Variants in DHRS3 observed in about 807,000 individuals in gnomAD.
DHRS3 encodes short-chain dehydrogenase/reductase 3.
A neutral mutation model predicts 27.2 loss-of-function variants in DHRS3; 14 were observed. The ratio of observed to expected loss-of-function variants is 0.52; its 90% CI spans 0.34 to 0.81. The LOEUF (loss-of-function observed/expected upper bound fraction) is 0.81. Among genes scored for constraint, DHRS3 ranks in the 30% least tolerant of loss-of-function variants. DHRS3 has a pLI of 0.01. For synonymous variants in DHRS3, 165 were observed against 175.9 expected (o/e 0.94, Z 0.49); for missense variants, 322 against 406.2 (o/e 0.79, Z 1.78).
At chr1:12,584,718 C>T (rs539776934) in intron 1 of DHRS3, among the ~76,000 whole-genome samples, 1 of 152,322 alleles carries the variant, frequency 6.6e-6, no homozygotes, top group South Asian at 2.1e-4. Flanking sequence ...AGCATCAGCA[C>T]CTTCCTGGCC....
At position 12,578,599 on chromosome 1, in the gene DHRS3, A is replaced by G. The variant is rs566107693; in HGVS notation, c.698+119T>C. 9.7e-5 allele frequency: 96 copies of G among 986,720 alleles called. No individual in the cohort carries two copies. In the South Asian group the frequency reaches 1.2e-3, roughly 12 times the overall value. 61.1% of individuals were successfully genotyped at this position (986,720 alleles called of 1,614,324 possible). A position where few individuals can be genotyped will look rare whatever the true frequency, so the allele number is the denominator to read the frequency against. ...TTCCCAAAATGCTAGGATTATAGGT[A>G]TGAGGCACCGTGCCTAGCCCGATTT... On this transcript the variant is annotated intron_variant, in intron 4 of 5. Transcript: ENST00000616661. The surrounding 1 kb of genome is among the most constrained non-coding windows in gnomAD (Gnocchi z 4.5).
In DHRS3 at chr1:12,568,129, G is replaced by C; in HGVS notation, c.*211C>G. 1 of 521,584 alleles carries C rather than the reference G, an allele frequency of 1.9e-6. No individual in the cohort carries two copies. The highest frequency in any genetic ancestry group is 2.2e-5 in the South Asian group (1 of 45,932). 32.3% of individuals were successfully genotyped at this position (521,584 alleles called of 1,614,324 possible). A position where few individuals can be genotyped will look rare whatever the true frequency, so the allele number is the denominator to read the frequency against. On this transcript the variant is annotated 3_prime_UTR_variant, in exon 6 of 6. Coordinates refer to ENST00000616661, the MANE Select transcript of DHRS3 (RefSeq NM_004753.7). ...AAAAGTGTCAAGGTGGCTTCTGGCT[G>C]TTTTCCTGCCTCCCTGTGGGGGTCA...
chr1:12,585,891 C>T (rs1368868300), intron 1 of DHRS3, among the ~76,000 whole-genome samples: 1 of 152,216 alleles, frequency 6.6e-6, no homozygotes, highest in African/African-American at 2.4e-5. Context: ...ACCAGTGCGG[C>T]TGCCTCTTAG....
In DHRS3 at chr1:12,594,234, G is replaced by T. The variant is rs956865622; in HGVS notation, c.196-13568C>A. ...GCACTACTAGAAGTTTCAAAGCAAGGCTCGGACTCCAAAGGGAAGCTCTTT... is the reference window on the plus strand; with the variant it reads ...GCACTACTAGAAGTTTCAAAGCAAGTCTCGGACTCCAAAGGGAAGCTCTTT... On this transcript the variant is annotated intron_variant, in intron 1 of 5. Transcript: ENST00000616661. This position sits in a 1 kb window ranked among gnomAD's most constrained non-coding sequence, Gnocchi z 4.1. Among the ~76,000 whole-genome samples, 12 of 152,172 alleles carry T rather than the reference G, an allele frequency of 7.9e-5. No homozygotes were observed. Among genetic ancestry groups the T allele is most frequent in the Non-Finnish European group, 1.3e-4 (9 of 68,042 alleles).
At position 12,569,629 on chromosome 1, in the gene DHRS3, G is replaced by A. The variant is rs1010661272; in HGVS notation, c.825-1205C>T. ...TGCCCAGGCTGGAGTGCAGTGGTGC[G>A]ATCTGGGGTCACTGCAACCTCTGCT... is the stretch of plus-strand genomic sequence containing the variant. On this transcript the variant is annotated intron_variant, in intron 5 of 5. Coordinates refer to ENST00000616661, the MANE Select transcript of DHRS3 (RefSeq NM_004753.7). Among the ~76,000 whole-genome samples, 5 of 152,170 alleles carry A rather than the reference G, an allele frequency of 3.3e-5. 1 individual carries two copies. Among genetic ancestry groups the A allele is most frequent in the East Asian group, 1.9e-4 (1 of 5,182 alleles).
chr1:12,602,731 G>A (rs770098407), intron 1 of DHRS3, among the ~76,000 whole-genome samples: 12 of 152,244 alleles, frequency 7.9e-5, no homozygotes, highest in Non-Finnish European at 1.5e-4. Flanking sequence ...TTCAGATGAG[G>A]GAACCAAAGC....
intron 1 of DHRS3, among the ~76,000 whole-genome samples, chr1:12,588,968 C>T (rs938533168): frequency 4.6e-5 from 7 of 152,214 alleles, no homozygotes; most frequent in East Asian, 1.9e-4. Flanking sequence ...AGAAAATACC[C>T]GCCAGAGACC....
Position 12,574,701 on chromosome 1 carries a change from C to A in DHRS3, c.699-1848G>T, listed in dbSNP as rs1012046436. On this transcript the variant is annotated intron_variant, in intron 4 of 5. Coordinates refer to ENST00000616661, the MANE Select transcript of DHRS3 (RefSeq NM_004753.7). This position sits in a 1 kb window ranked among gnomAD's most constrained non-coding sequence, Gnocchi z 4.6. ...TTGACGGGAATCCTTCTTGGTAAGACCCCTGCCAGGGAAGCCGACAGAGGA... is the reference window on the plus strand; with the variant it reads ...TTGACGGGAATCCTTCTTGGTAAGAACCCTGCCAGGGAAGCCGACAGAGGA... Among the ~76,000 whole-genome samples the A allele has an allele frequency of 6.6e-6, 1 of 152,214 alleles. No homozygotes were observed. Among genetic ancestry groups the A allele is most frequent in the Admixed American group, 6.5e-5 (1 of 15,280 alleles).
At chr1:12,575,162 A>G (rs1646574284) in intron 4 of DHRS3, among the ~76,000 whole-genome samples, 1 of 152,100 alleles carries the variant, frequency 6.6e-6, no homozygotes, top group Admixed American at 6.5e-5. Context: ...CACTGTCTCT[A>G]CCAAAAATAC....
intron 1 of DHRS3, among the ~76,000 whole-genome samples, chr1:12,607,845 A>ATGTGTGTG (rs202172866): frequency 0.097 from 14,652 of 150,438 alleles, 885 homozygotes; most frequent in East Asian, 0.25. Flanking sequence ...ATATTTGTGT[A>ATGTGTGTG]TATGTGTGTG....
chr1:12,581,955 G>A (rs924298844), intron 1 of DHRS3, among the ~76,000 whole-genome samples: 1 of 152,058 alleles, frequency 6.6e-6, no homozygotes, highest in East Asian at 1.9e-4. Flanking sequence ...AATATCCAAC[G>A]TGGAAACCCC....
At chr1:12,575,037 G>T (rs1246946276) in intron 4 of DHRS3, among the ~76,000 whole-genome samples, 1 of 152,132 alleles carries the variant, frequency 6.6e-6, no homozygotes, top group East Asian at 1.9e-4. Context: ...CATCGAAGAG[G>T]CTCAATTGGC....
intron 4 of DHRS3, among the ~76,000 whole-genome samples, chr1:12,577,192 T>C (rs1470250027): frequency 6.6e-6 from 1 of 152,128 alleles, no homozygotes; most frequent in East Asian, 1.9e-4. Context: ...GAATAGTATT[T>C]GAGTAATTCC....
In DHRS3 at chr1:12,578,601, G is replaced by A. The variant is rs1265374675; in HGVS notation, c.698+117C>T. ...CCCAAAATGCTAGGATTATAGGTAT[G>A]AGGCACCGTGCCTAGCCCGATTTTT... On this transcript the variant is annotated intron_variant, in intron 4 of 5. Coordinates refer to ENST00000616661, the MANE Select transcript of DHRS3 (RefSeq NM_004753.7). This position sits in a 1 kb window ranked among gnomAD's most constrained non-coding sequence, Gnocchi z 4.5. 2.0e-6 allele frequency: 2 copies of A among 1,013,088 alleles called. No individual in the cohort carries two copies. The highest frequency in any genetic ancestry group is 2.5e-5 in the East Asian group (1 of 40,804). 62.8% of individuals were successfully genotyped at this position (1,013,088 alleles called of 1,614,324 possible).
chr1:12,597,297 G>A (rs566129944), intron 1 of DHRS3, among the ~76,000 whole-genome samples: 20 of 152,184 alleles, frequency 1.3e-4, no homozygotes, highest in South Asian at 1.2e-3. Flanking sequence ...GGCTGGTCTC[G>A]AACTCCTGAC....
chr1:12,572,555 A>T (rs1646547136), intron 5 of DHRS3, among the ~76,000 whole-genome samples, 173 bp downstream of exon 5: 1 of 152,188 alleles, frequency 6.6e-6, no homozygotes, highest in Non-Finnish European at 1.5e-5. Context: ...TACTTTTTAA[A>T]ACTCTAAGGG....
intron 1 of DHRS3, among the ~76,000 whole-genome samples, chr1:12,582,541 T>C (rs1646653010): frequency 6.6e-6 from 1 of 152,174 alleles, no homozygotes; most frequent in East Asian, 1.9e-4. Context: ...TTCTTGTCTG[T>C]TGAACTAAAA....
intron 5 of DHRS3, 72 bp from the exon 6 acceptor site, chr1:12,568,496 C>T: frequency 6.9e-7 from 1 of 1,441,328 alleles, no homozygotes; most frequent in South Asian, 1.1e-5. Context: ...TCGCTGGTGG[C>T]CATGTGAGAC....
At chr1:12,602,307 G>C (rs1007355968) in intron 1 of DHRS3, among the ~76,000 whole-genome samples, 20 of 152,196 alleles carry the variant, frequency 1.3e-4, no homozygotes, top group Non-Finnish European at 1.5e-5. Context: ...CCCCTGCCTG[G>C]GAAGACAGGG....
Sources: gnomAD v4.1 joint callset for allele counts (sites outside exome capture counted in the v4.1 genomes callset) on GRCh38, gnomAD v4.1.1 for gene constraint, Gnocchi (gnomAD v3.1) non-coding constraint, MANE v1.5 for transcripts, NCBI Gene and HGNC (gene_info 2026-07-23, HGNC 2026-07-21) for gene names.